The following INPP4A variants were observed in gnomAD, a reference collection of about 807,000 sequenced individuals.
INPP4A encodes the protein inositol polyphosphate-4-phosphatase type I A.
A neutral mutation model predicts 119.8 loss-of-function variants in INPP4A; 33 were observed. The ratio of observed to expected loss-of-function variants is 0.28; its 90% confidence interval spans 0.21 to 0.37. INPP4A has a LOEUF of 0.37. Ranked by LOEUF, INPP4A falls within the 10% of genes least tolerant of loss-of-function variation. The pLI is 1.00. For synonymous variants in INPP4A, 496 were observed against 500.7 expected, an observed-to-expected ratio of 0.99 and a Z score of 0.12; for missense variants, 956 against 1,289.9, an observed-to-expected ratio of 0.74 and a Z score of 3.97.
At chr2:98,467,495 A>G (rs1202588485) in intron 1 of INPP4A, among the ~76,000 whole-genome samples, 1 of 152,198 alleles carries the variant, frequency 6.6e-6, no homozygotes, top group Non-Finnish European at 1.5e-5. Flanking sequence ...GCTGTCAGCA[A>G]TGTTAGCGAC....
intron 24 of INPP4A, among the ~76,000 whole-genome samples, chr2:98,577,368 G>C (rs1204869974): frequency 6.6e-6 from 1 of 152,230 alleles, no homozygotes; most frequent in Non-Finnish European, 1.5e-5. Context: ...GACTTTCTGA[G>C]CAGGACTGCC....
At chr2:98,541,193 G>C (rs1354916750) in intron 10 of INPP4A, among the ~76,000 whole-genome samples, 1 of 152,144 alleles carries the variant, frequency 6.6e-6, no homozygotes, top group Non-Finnish European at 1.5e-5. Flanking sequence ...CGGGCGCGGT[G>C]GTGGGCGCCT....
chr2:98,535,715 C>T lies in INPP4A; in HGVS notation c.271-14C>T, dbSNP rs1690137069. On this transcript the variant is annotated splice_polypyrimidine_tract_variant and intron_variant, in intron 5 of 24. Transcript: ENST00000409851. ...TCCAACCCTGTGTTCTGATTATTTC[C>T]TTTTCTGTTCTAGGGAACCAACAAT... The T allele has an allele frequency of 3.2e-6, 4 of 1,252,344 alleles. No homozygotes were observed. The East Asian group carries it at 9.6e-5, about 30-fold the overall frequency. 77.6% of individuals were successfully genotyped at this position (1,252,344 alleles called of 1,614,324 possible). A position where few individuals can be genotyped will look rare whatever the true frequency, so the allele number is the denominator to read the frequency against.
intron 1 of INPP4A, among the ~76,000 whole-genome samples, chr2:98,451,654 T>A (rs569805375): frequency 6.6e-6 from 1 of 152,300 alleles, no homozygotes; most frequent in South Asian, 2.1e-4. Context: ...TGGTGTCAGC[T>A]GCTGTTATGG....
At chr2:98,584,378 A>G (rs538355811) in intron 24 of INPP4A, among the ~76,000 whole-genome samples, 1 of 152,342 alleles carries the variant, frequency 6.6e-6, no homozygotes, top group South Asian at 2.1e-4. Context: ...CAGCAGGGCT[A>G]GTGGCTAGGC....
At chr2:98,586,772 T>C (rs1700001950) in intron 24 of INPP4A, among the ~76,000 whole-genome samples, 1 of 152,194 alleles carries the variant, frequency 6.6e-6, no homozygotes. Flanking sequence ...CAGTGGCACC[T>C]GTGCAAGAGG....
chr2:98,572,673 C>A, intron 22 of INPP4A, 142 bp from the exon 23 acceptor site: 1 of 586,088 alleles, frequency 1.7e-6, no homozygotes, highest in South Asian at 2.2e-5. Flanking sequence ...ATGTCCTATC[C>A]CCAAACACCT....
At chr2:98,539,774 G>A (rs1459722349) in intron 10 of INPP4A, 99 bp downstream of exon 10, 13 of 1,238,288 alleles carry the variant, frequency 1.0e-5, no homozygotes, top group Non-Finnish European at 1.1e-5. Context: ...CAGATAGACT[G>A]GACTGCAAAC....
intron 18 of INPP4A, among the ~76,000 whole-genome samples, chr2:98,564,054 ACT>A (rs1397964633): frequency 1.3e-5 from 2 of 151,256 alleles, no homozygotes; most frequent in Non-Finnish European, 2.9e-5. Flanking sequence ...TTGTTGCAGG[ACT>A]CTCTTATTGT....
intron 16 of INPP4A, among the ~76,000 whole-genome samples, chr2:98,557,862 C>T (rs1352722977): frequency 3.9e-5 from 6 of 152,214 alleles, no homozygotes; most frequent in South Asian, 2.1e-4. Context: ...CCTCCACCCC[C>T]GCCTGCCAAG....
chr2:98,528,511 A>C (rs1253847222), intron 4 of INPP4A, among the ~76,000 whole-genome samples: 3 of 152,212 alleles, frequency 2.0e-5, no homozygotes, highest in African/African-American at 4.8e-5. Flanking sequence ...ATGACCAAAA[A>C]CATCCCATGT....
At chr2:98,470,407 T>C (rs954642683) in intron 1 of INPP4A, among the ~76,000 whole-genome samples, 35 of 152,196 alleles carry the variant, frequency 2.3e-4, no homozygotes, top group African/African-American at 8.0e-4. Flanking sequence ...GCTTCTGAGC[T>C]CTAAGTCCTT....
chr2:98,504,298 GA>G, intron 1 of INPP4A, among the ~76,000 whole-genome samples: 2 of 152,308 alleles, frequency 1.3e-5, no homozygotes, highest in South Asian at 4.1e-4. Context: ...AGGGAAGACT[GA>G]AGTCCTTTTG....
At chr2:98,493,766 C>G (rs1439682590) in intron 1 of INPP4A, among the ~76,000 whole-genome samples, 1 of 152,072 alleles carries the variant, frequency 6.6e-6, no homozygotes, top group Non-Finnish European at 1.5e-5. Context: ...TCATATTCAC[C>G]AGGTTAATGC....
intron 1 of INPP4A, among the ~76,000 whole-genome samples, chr2:98,475,301 G>C (rs1574609790): frequency 6.6e-6 from 1 of 152,136 alleles, no homozygotes; most frequent in Admixed American, 6.5e-5. Flanking sequence ...GCTGCATTCT[G>C]TGTGTGCCGA....
intron 4 of INPP4A, chr2:98,521,878 G>GT (rs2105761610): frequency 6.6e-6 from 1 of 152,202 alleles, no homozygotes; most frequent in South Asian, 2.1e-4. Context: ...TGAGACTGCA[G>GT]TGAGTTATGA....
At chr2:98,531,759 A>G (rs1689273028) in intron 4 of INPP4A, among the ~76,000 whole-genome samples, 1 of 152,236 alleles carries the variant, frequency 6.6e-6, no homozygotes, top group Non-Finnish European at 1.5e-5. Flanking sequence ...GAATAAAGAC[A>G]TTTTCAAACC....
At chr2:98,577,448 G>A (rs1380265499) in intron 24 of INPP4A, among the ~76,000 whole-genome samples, 4 of 152,264 alleles carry the variant, frequency 2.6e-5, no homozygotes, top group Non-Finnish European at 4.4e-5. Context: ...AAGCAGCCAT[G>A]ACATGCAGTG....
At position 98,572,881 on chromosome 2, in the gene INPP4A, A is replaced by G. The variant is rs758176960; in HGVS notation, c.2585A>G (p.His862Arg). 2 of 1,581,082 alleles carry G rather than the reference A, an allele frequency of 1.3e-6. No individual in the cohort carries two copies. Among genetic ancestry groups the G allele is most frequent in the Admixed American group, 1.8e-5 (1 of 55,760 alleles). ...CTGCGGTTTCTGGGTCAGAACGTGC[A>G]TGCCCGGAAGAATAAGAACGTCGAC... ...ELLRFLGQNV[H>R]ARKNKNVDIL... Residue 862 changes from histidine to arginine, a missense_variant, in exon 23 of 25, where the codon CAT (histidine) becomes CGT (arginine). Around this residue, in one of 2 missense-constraint regions of INPP4A, gnomAD observed 304 missense variants for 492.1 expected, o/e 0.62. Coordinates refer to ENST00000409851, the MANE Select transcript of INPP4A (RefSeq NM_001134225.2).
Sources: allele counts gnomAD v4.1 joint callset (sites outside exome capture counted in the v4.1 genomes callset), GRCh38; gene constraint gnomAD v4.1.1; regional missense constraint gnomAD v4.1.1; transcripts MANE v1.5; gene names NCBI Gene and HGNC (gene_info 2026-07-23, HGNC 2026-07-21).